Variants in NCOR2 observed in about 807,000 individuals in gnomAD.
NCOR2 encodes the protein CTG repeat protein 26.
A neutral mutation model predicts 262.9 loss-of-function variants in NCOR2; 81 were observed. That is an observed-to-expected ratio of 0.31 (90% confidence interval 0.26 to 0.37). NCOR2 has a LOEUF of 0.37. Ranked by LOEUF, NCOR2 falls within the 10% of genes least tolerant of loss-of-function variation. NCOR2 has a pLI of 1.00. For synonymous variants in NCOR2, 1,659 were observed against 1,559.3 expected (o/e 1.06, Z -1.51); for missense variants, 3,385 against 3,621.4 (o/e 0.93, Z 1.68).
chr12:124,545,474 C>G (rs1324668886), intron 1 of NCOR2, among the ~76,000 whole-genome samples: 1 of 152,182 alleles, frequency 6.6e-6, no homozygotes, highest in Non-Finnish European at 1.5e-5. Context: ...CCCCTGGTGT[C>G]CACACCCAAT....
intron 7 of NCOR2, among the ~76,000 whole-genome samples, chr12:124,448,755 C>T (rs544347801): frequency 6.6e-6 from 1 of 152,352 alleles, no homozygotes; most frequent in Admixed American, 6.5e-5. Context: ...TGTGTGAAAA[C>T]ACTGGAAGGT....
intron 7 of NCOR2, among the ~76,000 whole-genome samples, chr12:124,445,523 G>A (rs2045103851): frequency 1.3e-5 from 2 of 152,216 alleles, no homozygotes; most frequent in Non-Finnish European, 2.9e-5. Flanking sequence ...TGCAGACGCA[G>A]AGAAATTAAA....
intron 1 of NCOR2, among the ~76,000 whole-genome samples, chr12:124,532,804 T>C (rs936188467): frequency 5.3e-5 from 8 of 151,890 alleles, no homozygotes; most frequent in African/African-American, 1.7e-4. Flanking sequence ...CAAAGCCCCA[T>C]GAGCCTAGGC....
chr12:124,467,067 ACCC>A (rs926475209), intron 4 of NCOR2, among the ~76,000 whole-genome samples: 4 of 105,578 alleles, frequency 3.8e-5, no homozygotes, highest in Non-Finnish European at 5.5e-5. Flanking sequence ...CATCCTCATC[ACCC>A]CCATCATCTT....
intron 16 of NCOR2, among the ~76,000 whole-genome samples, chr12:124,397,180 G>A (rs925394958): frequency 1.3e-5 from 2 of 152,178 alleles, no homozygotes; most frequent in Non-Finnish European, 2.9e-5. Flanking sequence ...GTGCTGCCCC[G>A]GCCTCAGCAG....
In NCOR2 at chr12:124,517,596, G is replaced by A. The variant is rs977137097; in HGVS notation, c.-118+17969C>T. Among the ~76,000 whole-genome samples the A allele has an allele frequency of 2.0e-5, 3 of 152,166 alleles. No homozygotes were observed. The highest frequency in any genetic ancestry group is 2.0e-4 in the Admixed American group (3 of 15,282). ...CCTGAGCCCACCGCGGAGCCCCAGGGCAGAGCCTCGGGAGCGCCCACGATC... is the reference window on the plus strand; with the variant it reads ...CCTGAGCCCACCGCGGAGCCCCAGGACAGAGCCTCGGGAGCGCCCACGATC... On this transcript the variant is annotated intron_variant, in intron 1 of 46. Coordinates refer to the NCOR2 transcript ENST00000404621. This position sits in a 1 kb window ranked among gnomAD's most constrained non-coding sequence, Gnocchi z 7.6.
upstream of NCOR2, among the ~76,000 whole-genome samples, chr12:124,497,826 C>G (rs188941709): frequency 1.3e-5 from 2 of 152,308 alleles, no homozygotes; most frequent in Admixed American, 6.5e-5. This position sits in a 1 kb window ranked among gnomAD's most constrained non-coding sequence, Gnocchi z 4.2. Context: ...ACCAGTGACG[C>G]TATGATGGGG....
chr12:124,550,730 TG>T (rs2051688839), intron 1 of NCOR2, among the ~76,000 whole-genome samples: 1 of 152,210 alleles, frequency 6.6e-6, no homozygotes, highest in African/African-American at 2.4e-5. Context: ...AGCCTGGCCC[TG>T]GGTGGCTCCA....
chr12:124,546,613 C>G (rs2051552730), intron 1 of NCOR2, among the ~76,000 whole-genome samples: 1 of 152,182 alleles, frequency 6.6e-6, no homozygotes, highest in Non-Finnish European at 1.5e-5. Flanking sequence ...CAGGGTTTCA[C>G]CATGTTGGCC....
chr12:124,562,538 C>T (rs568481138), intron 1 of NCOR2, among the ~76,000 whole-genome samples: 5 of 152,310 alleles, frequency 3.3e-5, no homozygotes, highest in African/African-American at 4.8e-5. Flanking sequence ...CCACAGCCTT[C>T]GCCCACTCTC....
intron 3 of NCOR2, among the ~76,000 whole-genome samples, chr12:124,477,705 G>A (rs2136737633): frequency 6.6e-6 from 1 of 152,358 alleles, no homozygotes; most frequent in South Asian, 2.1e-4. Flanking sequence ...CCAGGACGGG[G>A]GCTGAGGGAG....
At chr12:124,339,911 C>CAAAAAAA in intron 37 of NCOR2, 95 bp downstream of exon 39, 6 of 1,090,158 alleles carry the variant, frequency 5.5e-6, no homozygotes, top group Non-Finnish European at 5.3e-6. Context: ...ACCCACCTCC[C>CAAAAAAA]ATATACCTCC....
chr12:124,328,536 T>C (rs2034892584), intron 44 of NCOR2: 1 of 151,850 alleles, frequency 6.6e-6, no homozygotes, highest in African/African-American at 2.4e-5. Flanking sequence ...TTTCCCTTTT[T>C]TCTTTCTTGT....
intron 11 of NCOR2, among the ~76,000 whole-genome samples, chr12:124,423,224 G>A (rs993376262): frequency 1.3e-5 from 2 of 152,214 alleles, no homozygotes; most frequent in Admixed American, 1.3e-4. Flanking sequence ...AGCATGGTGG[G>A]GGCGGGGATG....
At chr12:124,539,930 A>C (rs2051237710), upstream of NCOR2, among the ~76,000 whole-genome samples, 1 of 152,114 alleles carries the variant, frequency 6.6e-6, no homozygotes, top group African/African-American at 2.4e-5. The surrounding 1 kb of genome is among the most constrained non-coding windows in gnomAD (Gnocchi z 5.1). Flanking sequence ...ACAGCCACAC[A>C]GCTGCAAGAG....
At chr12:124,336,946 C>A (rs752981234) in exon 38 of NCOR2, 2 of 1,544,792 alleles carry the variant, frequency 1.3e-6, no homozygotes, top group Non-Finnish European at 1.7e-6. Flanking sequence ...GCTCCGAGCC[C>A]TTGCTGGGGG....
Position 124,457,038 on chromosome 12 carries a change from G to T in NCOR2, c.762+68C>A. 1 of 476,250 alleles carries T rather than the reference G, an allele frequency of 2.1e-6. No individual in the cohort carries two copies. 29.5% of individuals were successfully genotyped at this position (476,250 alleles called of 1,614,324 possible). On this transcript the variant is annotated intron_variant, in intron 6 of 46. Transcript: ENST00000405201. The surrounding 1 kb of genome is among the most constrained non-coding windows in gnomAD (Gnocchi z 4.0). Reference sequence around the variant, plus strand: ...ACTTCCTCCTCCGCCGCACCCTCCCGCCTCCCTGCCCACCTCTCCAGCCAC... The same window carrying T: ...ACTTCCTCCTCCGCCGCACCCTCCCTCCTCCCTGCCCACCTCTCCAGCCAC...
At chr12:124,501,078 A>G (rs79581243) in intron 1 of NCOR2, among the ~76,000 whole-genome samples, 60,769 of 143,386 alleles carry the variant, frequency 0.42, 12,918 homozygotes, top group South Asian at 0.57. Context: ...ACACACACAC[A>G]CACACACACA....
At chr12:124,331,097 C>T (rs1428154534) in intron 43 of NCOR2, among the ~76,000 whole-genome samples, 199 bp from the exon 46 acceptor site, 2 of 149,934 alleles carry the variant, frequency 1.3e-5, no homozygotes, top group African/African-American at 4.9e-5. Context: ...GAGTCTCGCT[C>T]TGTTGCCCAG....
Sources: gnomAD v4.1 joint callset for allele counts (sites outside exome capture counted in the v4.1 genomes callset) on GRCh38, gnomAD v4.1.1 for gene constraint, Gnocchi (gnomAD v3.1) non-coding constraint, MANE v1.5 for transcripts, NCBI Gene and HGNC (gene_info 2026-07-23, HGNC 2026-07-21) for gene names.